Variants in AFAP1 observed in about 807,000 individuals in gnomAD.
The protein encoded by AFAP1 is actin filament-associated protein 1.
A neutral mutation model predicts 93.9 loss-of-function variants in AFAP1; 75 were observed. That is an observed-to-expected ratio of 0.80 (90% CI 0.66 to 0.97). AFAP1 has a LOEUF of 0.97. Ranked by LOEUF, AFAP1 falls within the 50% of genes least tolerant of loss-of-function variation. AFAP1 has a pLI of 0.00. For synonymous variants in AFAP1, 517 were observed against 430.7 expected (o/e 1.20, Z -2.48); for missense variants, 1,201 against 1,050.8 (o/e 1.14, Z -1.98).
intron 1 of AFAP1, among the ~76,000 whole-genome samples, chr4:7,890,879 T>C (rs1325850412): frequency 6.6e-6 from 1 of 152,142 alleles, no homozygotes; most frequent in African/African-American, 2.4e-5. Context: ...TAAATTTAAA[T>C]GTACACGTAC....
At chr4:7,936,609 TCTCA>T (rs1353624744) in intron 1 of AFAP1, among the ~76,000 whole-genome samples, 2 of 146,022 alleles carry the variant, frequency 1.4e-5, no homozygotes, top group African/African-American at 5.2e-5. Context: ...TGAGATGGAG[TCTCA>T]CTCTGTCACC....
intron 1 of AFAP1, among the ~76,000 whole-genome samples, chr4:7,881,033 G>A (rs1234452475): frequency 6.6e-6 from 1 of 152,124 alleles, no homozygotes; most frequent in Non-Finnish European, 1.5e-5. Flanking sequence ...GTGGCCTTTT[G>A]ATTTCCTTTC....
intron 1 of AFAP1, among the ~76,000 whole-genome samples, chr4:7,921,921 G>A (rs184012814): frequency 1.1e-4 from 16 of 152,246 alleles, no homozygotes; most frequent in African/African-American, 2.6e-4. Context: ...CCAACAGATC[G>A]AGACCATCCT....
intron 14 of AFAP1, chr4:7,775,683 C>G (rs1716035214): frequency 6.6e-6 from 1 of 152,192 alleles, no homozygotes; most frequent in Non-Finnish European, 1.5e-5. Context: ...GCCTGACTGT[C>G]TAGGAAGGAG....
intron 6 of AFAP1, among the ~76,000 whole-genome samples, chr4:7,825,845 G>C (rs1348763280): frequency 2.0e-5 from 3 of 151,912 alleles, no homozygotes; most frequent in Non-Finnish European, 4.4e-5. Context: ...TGGCAAGACT[G>C]TGAAGAAGAA....
intron 11 of AFAP1, 113 bp from the exon 12 acceptor site, chr4:7,786,424 G>C: frequency 1.2e-6 from 1 of 838,000 alleles, no homozygotes; most frequent in Non-Finnish European, 2.0e-6. Context: ...AGGTCACAGG[G>C]GCAGAGAAGA....
intron 6 of AFAP1, among the ~76,000 whole-genome samples, chr4:7,828,888 C>A (rs1721657177): frequency 6.6e-6 from 1 of 152,188 alleles, no homozygotes; most frequent in Non-Finnish European, 1.5e-5. Flanking sequence ...AGCTGTGTCC[C>A]CACCCAAGTC....
chr4:7,827,662 C>T (rs1721555785), intron 6 of AFAP1, among the ~76,000 whole-genome samples: 1 of 148,900 alleles, frequency 6.7e-6, no homozygotes, highest in Admixed American at 6.7e-5. Flanking sequence ...TGAGAGACAC[C>T]AACCCATAGA....
intron 4 of AFAP1, among the ~76,000 whole-genome samples, chr4:7,851,515 G>T (rs73795058): frequency 0.022 from 3,367 of 152,186 alleles, 140 homozygotes; most frequent in African/African-American, 0.076. Context: ...TTCACAAATG[G>T]GCACATGATG....
At chr4:7,929,171 G>A (rs888179985) in intron 1 of AFAP1, among the ~76,000 whole-genome samples, 6 of 151,978 alleles carry the variant, frequency 3.9e-5, no homozygotes, top group African/African-American at 9.7e-5. Context: ...CCTGCCCCCT[G>A]TACAACAGCT....
intron 7 of AFAP1, among the ~76,000 whole-genome samples, chr4:7,817,779 C>T (rs987994590): frequency 4.0e-5 from 5 of 124,842 alleles, no homozygotes; most frequent in African/African-American, 1.6e-4. Context: ...AAAAAAAAAG[C>T]AGTATAAGAA....
At chr4:7,899,025 G>GTATATA (rs35475290) in intron 1 of AFAP1, among the ~76,000 whole-genome samples, 1 of 148,796 alleles carries the variant, frequency 6.7e-6, no homozygotes. Flanking sequence ...ATATGTGTGT[G>GTATATA]TATATATATA....
chr4:7,763,713 A>G lies in AFAP1; in HGVS notation c.*52T>C, dbSNP rs1714128448. ...GCTTCCTGCCGTCACACAGATGAGG[A>G]TACAGGCAAGGGGGTGTGCAGTCTC... On this transcript the variant is annotated 3_prime_UTR_variant, in exon 18 of 18. Transcript: ENST00000420658. The G allele has an allele frequency of 6.5e-7, 1 of 1,550,152 alleles. No individual in the cohort carries two copies. The highest frequency in any genetic ancestry group is 1.4e-5 in the African/African-American group (1 of 73,010).
chr4:7,885,052 GCTCAT>G (rs1353051197), intron 1 of AFAP1, among the ~76,000 whole-genome samples: 1 of 152,154 alleles, frequency 6.6e-6, no homozygotes, highest in Admixed American at 6.5e-5. Flanking sequence ...TTTCACAAAA[GCTCAT>G]CTCATCGCTC....
intron 4 of AFAP1, among the ~76,000 whole-genome samples, chr4:7,853,578 T>C (rs1714703527): frequency 6.6e-6 from 1 of 152,164 alleles, no homozygotes; most frequent in Non-Finnish European, 1.5e-5. Context: ...AAACTGCCCG[T>C]GCTTCTTCCA....
At chr4:7,910,795 T>A (rs1457552808) in intron 1 of AFAP1, among the ~76,000 whole-genome samples, 2 of 152,206 alleles carry the variant, frequency 1.3e-5, no homozygotes, top group African/African-American at 4.8e-5. Context: ...TAGACATCTC[T>A]GCTGGAGGTG....
rs929438498 is a variant in AFAP1, at chr4:7,761,655, T to G, written c.*2110A>C. The G allele has an allele frequency of 6.6e-6, 1 of 152,278 alleles. No individual in the cohort carries two copies. The highest frequency in any genetic ancestry group is 1.5e-5 in the Non-Finnish European group (1 of 68,072). 9.4% of individuals were successfully genotyped at this position (152,278 alleles called of 1,614,324 possible). On this transcript the variant is annotated 3_prime_UTR_variant, in exon 18 of 18. Coordinates refer to ENST00000420658, the MANE Select transcript of AFAP1 (RefSeq NM_001134647.2). ...CACAGTTCTCTTTGGCAAAGCAGGC[T>G]GCCAATCAGAGTGGCCCAAGAGTGT... is the stretch of plus-strand genomic sequence containing the variant.
chr4:7,788,798 C>A (rs6854735), intron 11 of AFAP1: 16,384 of 152,136 alleles, frequency 0.11, 1,365 homozygotes, highest in East Asian at 0.48. Context: ...ACCATCCCCT[C>A]CCCTGTGCCC....
intron 7 of AFAP1, among the ~76,000 whole-genome samples, chr4:7,818,634 G>C (rs1273831486): frequency 1.3e-5 from 2 of 152,192 alleles, no homozygotes; most frequent in African/African-American, 4.8e-5. Flanking sequence ...GGCCATCCCC[G>C]CCCACTGCTG....
Sources: allele counts gnomAD v4.1 joint callset (sites outside exome capture counted in the v4.1 genomes callset), GRCh38; gene constraint gnomAD v4.1.1; transcripts MANE v1.5; gene names NCBI Gene and HGNC (gene_info 2026-07-23, HGNC 2026-07-21).